The following FN1 variants were observed in gnomAD, a reference collection of about 807,000 sequenced individuals.
FN1 encodes fibronectin.
FN1 carries 106 observed loss-of-function variants against 297.3 expected under a neutral mutation model. The ratio of observed to expected loss-of-function variants is 0.36; its 90% CI spans 0.30 to 0.42. The LOEUF (loss-of-function observed/expected upper bound fraction) is 0.42. FN1 is among the 10% of genes least tolerant of loss of function. The pLI, the probability that FN1 is intolerant of heterozygous loss-of-function variation, is 1.00. For synonymous variants in FN1, 1,149 were observed against 1,152.6 expected (o/e 1.00, Z 0.06); for missense variants, 2,690 against 3,124.9 (o/e 0.86, Z 3.32).
intron 13 of FN1, among the ~76,000 whole-genome samples, chr2:215,412,719 C>T: frequency 8.4e-6 from 1 of 118,406 alleles, no homozygotes; most frequent in Admixed American, 7.8e-5. Flanking sequence ...ATTTGTTCTT[C>T]TTGTGTTTAT....
intron 17 of FN1, 28 bp downstream of exon 17, chr2:215,408,080 C>T (rs1418919370): frequency 5.7e-6 from 9 of 1,568,314 alleles, no homozygotes; most frequent in Non-Finnish European, 7.0e-6. Flanking sequence ...ATTAACATAG[C>T]AGCCAAAGAG....
At chr2:215,398,928 C>T (rs914812958) in intron 21 of FN1, among the ~76,000 whole-genome samples, 2 of 152,170 alleles carry the variant, frequency 1.3e-5, no homozygotes, top group Non-Finnish European at 1.5e-5. Flanking sequence ...TTTAGAACAA[C>T]ACATCAAATA....
intron 12 of FN1, 61 bp from the exon 13 acceptor site, chr2:215,415,019 G>C: frequency 7.7e-7 from 1 of 1,302,090 alleles, no homozygotes; most frequent in Non-Finnish European, 1.1e-6. Context: ...ACTTAAAACT[G>C]TGTACATGGA....
intron 21 of FN1, 66 bp from the exon 22 acceptor site, chr2:215,397,914 G>A: frequency 7.2e-7 from 1 of 1,383,610 alleles, no homozygotes; most frequent in African/African-American, 1.4e-5. Flanking sequence ...ACTGCTGTGA[G>A]GCTATGATTA....
At chr2:215,430,516 A>G (rs1335727043) in intron 5 of FN1, among the ~76,000 whole-genome samples, 199 bp downstream of exon 5, 6 of 152,218 alleles carry the variant, frequency 3.9e-5, no homozygotes, top group Non-Finnish European at 8.8e-5. Flanking sequence ...ACCTTATCAA[A>G]GTGATATGTT....
chr2:215,430,784 G>T lies in FN1; in HGVS notation c.616C>A (p.Gln206Lys). ...GTACAATCTACCATCATCCAGCCTT[G>T]GTAGGGCTTCTCCCACGTTTCTCCG... ...VVGETWEKPY[Q>K]GWMMVDCTCL... The change falls in exon 5 of 46, where the codon CAA becomes AAA. Residue 206 changes from glutamine to lysine, a missense_variant. Transcript: ENST00000354785. The T allele has an allele frequency of 1.2e-6, 2 of 1,614,064 alleles. No individual in the cohort carries two copies. Among genetic ancestry groups the T allele is most frequent in the Non-Finnish European group, 1.7e-6 (2 of 1,179,976 alleles).
intron 3 of FN1, 81 bp from the exon 4 acceptor site, chr2:215,432,045 ACT>A: frequency 1.3e-6 from 2 of 1,574,750 alleles, no homozygotes; most frequent in Non-Finnish European, 1.7e-6. Context: ...CATGGTAGGT[ACT>A]TAGGTTGGCT....
chr2:215,377,228 A>G (rs899756611), intron 35 of FN1, among the ~76,000 whole-genome samples: 6 of 152,152 alleles, frequency 3.9e-5, no homozygotes, highest in South Asian at 2.1e-4. Flanking sequence ...ACATCAAGGT[A>G]TTGATATAAC....
chr2:215,399,211 A>G, intron 21 of FN1, 46 bp downstream of exon 21: 3 of 1,378,738 alleles, frequency 2.2e-6, no homozygotes, highest in South Asian at 2.3e-5. Flanking sequence ...AACCACAAGG[A>G]CAGCTCAGGG....
chr2:215,375,074 C>CT (rs2057022684), intron 38 of FN1, 140 bp downstream of exon 38: 1 of 874,390 alleles, frequency 1.1e-6, no homozygotes, highest in African/African-American at 1.6e-5. Flanking sequence ...CACTCCTACA[C>CT]AGAGAATGCT....
At chr2:215,385,897 C>T (rs2058903279) in intron 28 of FN1, among the ~76,000 whole-genome samples, 1 of 151,324 alleles carries the variant, frequency 6.6e-6, no homozygotes, top group Non-Finnish European at 1.5e-5. Context: ...CCTGCCTCAG[C>T]CTCCTGAGTA....
chr2:215,406,223 T>G lies in FN1; in HGVS notation c.2986+15A>C, dbSNP rs768332346. The stretch of plus-strand genomic sequence containing the variant: ...GGAGAATTTGGAGGGGAGATAGAGA[T>G]AGGAGAAGACATACTGGTTGTCTGT... On this transcript the variant is annotated intron_variant, in intron 19 of 45. Coordinates refer to ENST00000354785, the MANE Select transcript of FN1 (RefSeq NM_212482.4). 3.1e-6 allele frequency: 5 copies of G among 1,613,232 alleles called. No homozygotes were observed. Among genetic ancestry groups the G allele is most frequent in the African/African-American group, 1.3e-5 (1 of 74,922 alleles).
intron 23 of FN1, among the ~76,000 whole-genome samples, chr2:215,396,704 C>A (rs2060348330): frequency 6.6e-6 from 1 of 152,098 alleles, no homozygotes; most frequent in South Asian, 2.1e-4. Flanking sequence ...CTTTCATCAC[C>A]CTTAAATATT....
In FN1 at chr2:215,399,647, G is replaced by A. The variant is rs949191225; in HGVS notation, c.3254-296C>T. On this transcript the variant is annotated intron_variant, in intron 20 of 45. Transcript: ENST00000354785. ...CAGATAATACCAATTCTGCTGGCCC[G>A]TGAATGATACCTGAGTAACAAGGGG... 2.6e-5 allele frequency among the ~76,000 whole-genome samples: 4 copies of A among 152,154 alleles called. No homozygotes were observed. The South Asian group carries it at 6.2e-4, about 24-fold the overall frequency.
At chr2:215,365,042 G>A (rs2054255959) in intron 43 of FN1, 57 bp from the exon 44 acceptor site, 4 of 1,118,678 alleles carry the variant, frequency 3.6e-6, no homozygotes, top group South Asian at 1.3e-5. Flanking sequence ...CTGCAGACTT[G>A]ATCTAGGGGT....
chr2:215,401,243 AAAGAAAGG>A (rs1396692535), intron 20 of FN1, among the ~76,000 whole-genome samples: 746 of 66,768 alleles, frequency 0.011, 18 homozygotes, highest in African/African-American at 0.034. Context: ...AGAAAGAAAG[AAAGAAAGG>A]AAGAAAGAAA....
intron 20 of FN1, among the ~76,000 whole-genome samples, chr2:215,403,142 G>A (rs1328984613): frequency 3.3e-5 from 5 of 152,172 alleles, no homozygotes; most frequent in South Asian, 4.1e-4. Flanking sequence ...TTTCATGAGA[G>A]TAGATCTTAG....
At chr2:215,430,225 A>T (rs947369854) in intron 5 of FN1, among the ~76,000 whole-genome samples, 9 of 152,244 alleles carry the variant, frequency 5.9e-5, no homozygotes, top group African/African-American at 2.2e-4. Context: ...ATATCAAAAA[A>T]GGAGCCTTCA....
chr2:215,430,812 C>A lies in FN1; in HGVS notation c.588G>T (p.Val196=). Residue 196 remains valine (V), a synonymous_variant, in exon 5 of 46, where the codon GTG becomes GTT. Coordinates refer to ENST00000354785, the MANE Select transcript of FN1 (RefSeq NM_212482.4). ...CFDHAAGTSY[V]VGETWEKPYQ... The stretch of plus-strand genomic sequence containing the variant: ...AGGGCTTCTCCCACGTTTCTCCGAC[C>A]ACATAGGAAGTCCCAGCAGCATGAT... The A allele has an allele frequency of 6.2e-7, 1 of 1,614,110 alleles. No individual in the cohort carries two copies. The highest frequency in any genetic ancestry group is 8.5e-7 in the Non-Finnish European group (1 of 1,179,980).
Sources: allele counts gnomAD v4.1 joint callset (sites outside exome capture counted in the v4.1 genomes callset), GRCh38; gene constraint gnomAD v4.1.1; transcripts MANE v1.5; gene names NCBI Gene and HGNC (gene_info 2026-07-23, HGNC 2026-07-21).